The following MRPS35 variants were observed in gnomAD, a reference collection of about 807,000 sequenced individuals.
The protein encoded by MRPS35 is small ribosomal subunit protein mS35.
Under a neutral mutation model 32.7 loss-of-function variants are expected in MRPS35, and 29 were observed. The ratio of observed to expected loss-of-function variants is 0.89; its 90% CI spans 0.66 to 1.21. MRPS35 has a LOEUF of 1.21. Among genes scored for constraint, MRPS35 ranks in the 50% most tolerant of loss-of-function variants. The pLI, the probability that MRPS35 is intolerant of heterozygous loss-of-function variation, is 0.00. For missense variants in MRPS35, 373 were observed against 383.8 expected (o/e 0.97, Z 0.23); for synonymous variants, 148 against 139.3 (o/e 1.06, Z -0.44).
At chr12:27,744,570 A>C (rs752165326) in intron 7 of MRPS35, among the ~76,000 whole-genome samples, 1 of 152,254 alleles carries the variant, frequency 6.6e-6, no homozygotes, top group Admixed American at 6.5e-5. Flanking sequence ...AATAGAATCT[A>C]TATTCTAAAA....
Position 27,724,172 on chromosome 12 carries a change from G to C in MRPS35, c.508G>C (p.Val170Leu), listed in dbSNP as rs368495203. Residue 170 changes from valine (V) to leucine (L), a missense_variant, in exon 5 of 8, where the codon GTA becomes CTA. Transcript: ENST00000081029. ...ATCTGTTCGGAACCCCAGAGCACGA[G>C]TAGTAGTCTTAAGAGTAAGAGTTTT... ...GPSVRNPRARVVVLRVKLSSL... is the reference protein window; with the variant it reads ...GPSVRNPRARLVVLRVKLSSL... The C allele has an allele frequency of 1.5e-5, 23 of 1,577,512 alleles. No individual in the cohort carries two copies. Among genetic ancestry groups the C allele is most frequent in the Non-Finnish European group, 1.9e-5 (22 of 1,167,676 alleles).
chr12:27,729,050 C>G (rs541981634), intron 5 of MRPS35, among the ~76,000 whole-genome samples: 1 of 152,156 alleles, frequency 6.6e-6, no homozygotes, highest in African/African-American at 2.4e-5. Flanking sequence ...TTTGCTTTTC[C>G]CTTGAACAAG....
At chr12:27,719,758 ATGTTTTTAAGACATT>A in intron 3 of MRPS35, 35 bp from the exon 4 acceptor site, 1 of 1,136,824 alleles carries the variant, frequency 8.8e-7, no homozygotes, top group Non-Finnish European at 1.3e-6. Context: ...TATCTTTTTC[ATGTTTTTAAGACATT>A]TAGCTAATTT....
intron 3 of MRPS35, among the ~76,000 whole-genome samples, chr12:27,718,392 G>A (rs1350164172): frequency 1.3e-5 from 2 of 152,082 alleles, no homozygotes; most frequent in Admixed American, 6.5e-5. Flanking sequence ...GTGCCACTGC[G>A]ACAGAGCAAG....
intron 5 of MRPS35, among the ~76,000 whole-genome samples, chr12:27,730,414 A>G (rs552254232): frequency 6.6e-6 from 1 of 152,234 alleles, no homozygotes; most frequent in East Asian, 1.9e-4. Flanking sequence ...CATTCTCATC[A>G]CATCATATCG....
chr12:27,727,212 C>T (rs780086866), intron 5 of MRPS35, among the ~76,000 whole-genome samples: 3 of 152,100 alleles, frequency 2.0e-5, no homozygotes, highest in Non-Finnish European at 2.9e-5. Context: ...CTGCCTGCCT[C>T]AGCCTCCCAA....
At chr12:27,727,156 T>C (rs1010257276) in intron 5 of MRPS35, among the ~76,000 whole-genome samples, 23 of 151,912 alleles carry the variant, frequency 1.5e-4, no homozygotes, top group Admixed American at 7.2e-4. Context: ...GAGATGGGGT[T>C]TTCACCGTGT....
chr12:27,719,500 A>G (rs1351253795), intron 3 of MRPS35, among the ~76,000 whole-genome samples: 5 of 151,946 alleles, frequency 3.3e-5, no homozygotes, highest in African/African-American at 1.2e-4. Flanking sequence ...CCCCGTCTCT[A>G]CTAAAAATAC....
At chr12:27,734,945 G>T (rs1565468528) in intron 5 of MRPS35, among the ~76,000 whole-genome samples, 1 of 152,174 alleles carries the variant, frequency 6.6e-6, no homozygotes. Context: ...CTTCCCTGAT[G>T]CTGTATTCCA....
intron 5 of MRPS35, among the ~76,000 whole-genome samples, chr12:27,730,488 A>T (rs772767524): frequency 1.2e-4 from 19 of 152,112 alleles, no homozygotes; most frequent in Non-Finnish European, 1.8e-4. Flanking sequence ...TCATTCTGTC[A>T]CTTACGCTGG....
intron 7 of MRPS35, among the ~76,000 whole-genome samples, chr12:27,746,057 T>G (rs1431591264): frequency 6.6e-6 from 1 of 152,168 alleles, no homozygotes; most frequent in African/African-American, 2.4e-5. Flanking sequence ...GCAGCATGAT[T>G]TATGTGGAAG....
intron 5 of MRPS35, among the ~76,000 whole-genome samples, chr12:27,725,042 A>G (rs1247154307): frequency 2.0e-5 from 3 of 152,116 alleles, no homozygotes; most frequent in Admixed American, 2.0e-4. Context: ...TCAGCCTCCA[A>G]AGTGGCTGGG....
chr12:27,732,738 T>G (rs2061926589), intron 5 of MRPS35, among the ~76,000 whole-genome samples: 1 of 152,150 alleles, frequency 6.6e-6, no homozygotes, highest in Non-Finnish European at 1.5e-5. Context: ...TTTATTCTAT[T>G]AATCTCATTT....
At chr12:27,751,102 CAAAAAAAAAAAAAA>C (rs71438703) in intron 7 of MRPS35, among the ~76,000 whole-genome samples, 2 of 38,134 alleles carry the variant, frequency 5.2e-5, no homozygotes, top group Admixed American at 4.4e-4. Context: ...GACTCCATCT[CAAAAAAAAAAAAAA>C]AAAAAAAAAA....
chr12:27,724,304 C>T lies in MRPS35; in HGVS notation c.522+118C>T, dbSNP rs538330051. ...CTGTAATCCCAGCACTTTGGGAGGC[C>T]AAGGTGGGAGAATTGCTTGAGCCCA... On this transcript the variant is annotated intron_variant, in intron 5 of 7. Coordinates refer to ENST00000081029, the MANE Select transcript of MRPS35 (RefSeq NM_021821.4). The T allele has an allele frequency of 1.8e-5, 16 of 875,312 alleles. No homozygotes were observed. In the South Asian group the frequency reaches 5.2e-4, roughly 29 times the overall value. The allele number at this position is 875,312 out of a possible 1,614,324, so 54.2% of individuals were successfully genotyped here.
In MRPS35 at chr12:27,735,507, G is replaced by C; in HGVS notation, c.583G>C (p.Gly195Arg). 1 of 1,612,324 alleles carries C rather than the reference G, an allele frequency of 6.2e-7. No individual in the cohort carries two copies. The highest frequency in any genetic ancestry group is 8.5e-7 in the Non-Finnish European group (1 of 1,179,408). Residue 195 changes from glycine (G) to arginine (R), a missense_variant, in exon 6 of 8, where the codon GGA becomes CGA. Physicochemically the swap from Gly to Arg is moderately radical, Grantham distance 125. Transcript: ENST00000081029. ...HAKKKLIKLVGERYCKTTDVL... is the reference protein window; with the variant it reads ...HAKKKLIKLVRERYCKTTDVL... ...AAAGAAGAAATTAATTAAACTTGTAGGAGAGCGATACTGCAAGACCACAGA... is the reference window on the plus strand; with the variant it reads ...AAAGAAGAAATTAATTAAACTTGTACGAGAGCGATACTGCAAGACCACAGA...
intron 4 of MRPS35, among the ~76,000 whole-genome samples, chr12:27,723,580 A>G (rs946258447): frequency 6.6e-6 from 1 of 152,152 alleles, no homozygotes; most frequent in African/African-American, 2.4e-5. Flanking sequence ...TGTTGACTCC[A>G]TCTCAGTTTC....
chr12:27,739,972 A>G (rs1351363416), intron 7 of MRPS35, among the ~76,000 whole-genome samples: 1 of 152,236 alleles, frequency 6.6e-6, no homozygotes, highest in Non-Finnish European at 1.5e-5. Flanking sequence ...ACAACTGTCC[A>G]AACAAGTATA....
At chr12:27,710,978 C>T in intron 1 of MRPS35, 23 bp downstream of exon 1, 1 of 1,602,758 alleles carries the variant, frequency 6.2e-7, no homozygotes, top group Non-Finnish European at 8.5e-7. Context: ...CTCGTCTTCT[C>T]TGGGCTTTGG....
Sources: gnomAD v4.1 joint callset for allele counts (sites outside exome capture counted in the v4.1 genomes callset) on GRCh38, gnomAD v4.1.1 for gene constraint, MANE v1.5 for transcripts, NCBI Gene and HGNC (gene_info 2026-07-23, HGNC 2026-07-21) for gene names.